CALD1: variants seen among roughly 807,000 people sequenced by gnomAD.
CALD1 encodes caldesmon 1.
Under a neutral mutation model 99.9 loss-of-function variants are expected in CALD1, and 33 were observed. The observed-to-expected ratio is 0.33, with a 90% CI of 0.25 to 0.44. The LOEUF is 0.44. CALD1 is among the 20% of genes least tolerant of loss of function. The probability of loss-of-function intolerance (pLI) is 1.00; values close to 1 mark genes in which losing one functional copy is unlikely to be tolerated. For synonymous variants in CALD1, 310 were observed against 325.0 expected, an observed-to-expected ratio of 0.95 and a Z score of 0.50; for missense variants, 861 against 962.1, an observed-to-expected ratio of 0.89 and a Z score of 1.39.
intron 3 of CALD1, among the ~76,000 whole-genome samples, chr7:134,899,333 A>G (rs920455089): frequency 2.6e-5 from 4 of 151,362 alleles, no homozygotes; most frequent in Non-Finnish European, 5.9e-5. Context: ...CCTCCTGAGT[A>G]GCTGGGATTA....
At chr7:134,847,033 G>A (rs903144934) in intron 2 of CALD1, among the ~76,000 whole-genome samples, 1 of 152,202 alleles carries the variant, frequency 6.6e-6, no homozygotes, top group Non-Finnish European at 1.5e-5. Context: ...TCCCGACTGT[G>A]TTTCATTAAT....
the CALD1 span, among the ~76,000 whole-genome samples, chr7:134,737,684 T>C: frequency 6.6e-6 from 1 of 152,184 alleles, no homozygotes; most frequent in Non-Finnish European, 1.5e-5. Flanking sequence ...TACAGACTCC[T>C]GCCCAGGATG....
At chr7:134,746,809 G>A (rs1024753658) in intron 1 of CALD1, among the ~76,000 whole-genome samples, 1 of 152,182 alleles carries the variant, frequency 6.6e-6, no homozygotes, top group Non-Finnish European at 1.5e-5. Context: ...TTTTTAAAGT[G>A]GCAAAGAATT....
rs559624084 is a variant in CALD1, at chr7:134,783,776, A to C, written c.-130+4027A>C. On this transcript the variant is annotated intron_variant, in intron 1 of 14. Coordinates refer to ENST00000361675, the MANE Select transcript of CALD1 (RefSeq NM_033138.4). This position sits in a 1 kb window ranked among gnomAD's most constrained non-coding sequence, Gnocchi z 4.3. ...GGAGTGGGGTCAGATCTGGATTCCCATAGAAGACAAGGGTGGATGGGATCA... is the reference window on the plus strand; with the variant it reads ...GGAGTGGGGTCAGATCTGGATTCCCCTAGAAGACAAGGGTGGATGGGATCA... Among the ~76,000 whole-genome samples the C allele has an allele frequency of 6.6e-6, 1 of 152,216 alleles. No individual in the cohort carries two copies. The highest frequency in any genetic ancestry group is 1.5e-5 in the Non-Finnish European group (1 of 68,042).
intron 3 of CALD1, among the ~76,000 whole-genome samples, chr7:134,905,922 CTTTTTTTTTT>C (rs5887716): frequency 3.2e-5 from 3 of 94,776 alleles, no homozygotes; most frequent in African/African-American, 8.6e-5. Context: ...CTCTCTATAT[CTTTTTTTTTT>C]TTTTTTTTTT....
At chr7:134,735,681 G>C in the CALD1 span, among the ~76,000 whole-genome samples, 2 of 151,132 alleles carry the variant, frequency 1.3e-5, no homozygotes, top group Admixed American at 1.3e-4. Flanking sequence ...GAGGTTTCTA[G>C]TATTGCTCCT....
intron 1 of CALD1, among the ~76,000 whole-genome samples, chr7:134,750,174 G>T (rs966907896): frequency 4.6e-5 from 7 of 152,070 alleles, no homozygotes; most frequent in African/African-American, 1.7e-4. Flanking sequence ...CTTCAGGAAG[G>T]CACTGCCATT....
intron 1 of CALD1, among the ~76,000 whole-genome samples, chr7:134,802,863 C>T (rs988871636): frequency 6.6e-6 from 1 of 152,234 alleles, no homozygotes; most frequent in Non-Finnish European, 1.5e-5. Context: ...GTACCTTTTT[C>T]CGTGTTTGTG....
intron 2 of CALD1, among the ~76,000 whole-genome samples, chr7:134,853,341 G>A (rs532442868): frequency 6.6e-6 from 1 of 152,274 alleles, no homozygotes; most frequent in South Asian, 2.1e-4. Flanking sequence ...TGTACTCGAT[G>A]TCAATTTAAT....
chr7:134,948,369 T>C (rs1271486874), intron 8 of CALD1, among the ~76,000 whole-genome samples: 3 of 152,136 alleles, frequency 2.0e-5, no homozygotes, highest in Non-Finnish European at 2.9e-5. Context: ...GATGGATTTG[T>C]TTCATCTTTT....
intron 2 of CALD1, chr7:134,844,271 C>G (rs1799765329): frequency 1.3e-5 from 2 of 151,928 alleles, no homozygotes; most frequent in South Asian, 4.2e-4. Flanking sequence ...ATCATGAAGT[C>G]TTCACTTCCT....
At chr7:134,748,863 G>C (rs1009437015) in intron 1 of CALD1, among the ~76,000 whole-genome samples, 1 of 152,190 alleles carries the variant, frequency 6.6e-6, no homozygotes, top group Non-Finnish European at 1.5e-5. Flanking sequence ...TACTGCCTCT[G>C]GGAGGTGATT....
intron 1 of CALD1, among the ~76,000 whole-genome samples, chr7:134,810,015 A>G (rs1798295546): frequency 3.3e-5 from 5 of 152,262 alleles, no homozygotes; most frequent in African/African-American, 9.6e-5. Flanking sequence ...GGAATCTTGG[A>G]TGACTTACAG....
At chr7:134,880,381 G>C (rs62479554) in intron 3 of CALD1, among the ~76,000 whole-genome samples, 13 of 152,190 alleles carry the variant, frequency 8.5e-5, no homozygotes, top group African/African-American at 3.1e-4. Flanking sequence ...GTTTTCTGGA[G>C]GTGGGGGGAG....
intron 1 of CALD1, among the ~76,000 whole-genome samples, chr7:134,797,267 G>A (rs1047111985): frequency 2.6e-5 from 4 of 152,298 alleles, no homozygotes; most frequent in African/African-American, 9.6e-5. Flanking sequence ...TTACAGGCCT[G>A]AGCCACTGCA....
intron 1 of CALD1, among the ~76,000 whole-genome samples, chr7:134,765,659 G>A (rs765864600): frequency 7.2e-5 from 11 of 152,216 alleles, no homozygotes; most frequent in Non-Finnish European, 1.2e-4. Flanking sequence ...ATGTTGAATT[G>A]TAATCTGCAG....
chr7:134,756,983 C>T (rs571294254), intron 1 of CALD1, among the ~76,000 whole-genome samples: 4 of 152,138 alleles, frequency 2.6e-5, no homozygotes, highest in Non-Finnish European at 5.9e-5. Context: ...AGGCACTTTA[C>T]TGATTTGCTT....
chr7:134,830,159 T>A (rs569421136), intron 1 of CALD1, among the ~76,000 whole-genome samples: 23 of 152,242 alleles, frequency 1.5e-4, no homozygotes, highest in African/African-American at 4.3e-4. Flanking sequence ...TTAACACCCA[T>A]CTTCAGAATG....
chr7:134,766,473 C>T (rs970714420), intron 1 of CALD1, among the ~76,000 whole-genome samples: 1 of 152,080 alleles, frequency 6.6e-6, no homozygotes, highest in African/African-American at 2.4e-5. Flanking sequence ...ATTGCCCAGT[C>T]TCAGGTGTTT....
Sources: gnomAD v4.1 joint callset for allele counts (sites outside exome capture counted in the v4.1 genomes callset) on GRCh38, gnomAD v4.1.1 for gene constraint, Gnocchi (gnomAD v3.1) non-coding constraint, MANE v1.5 for transcripts, NCBI Gene and HGNC (gene_info 2026-07-23, HGNC 2026-07-21) for gene names.